The following REDIC1 variants were observed in gnomAD, a reference collection of about 807,000 sequenced individuals.
REDIC1 encodes the protein regulator of DNA class I crossover intermediates 1.
At chr12:39,653,557 CT>C in the REDIC1 span, among the ~76,000 whole-genome samples, 7,270 of 55,388 alleles carry the variant, frequency 0.13, 1,910 homozygotes, top group Non-Finnish European at 0.17. Context: ...TCTTCTTCTT[CT>C]TTCTTCTTCT....
the REDIC1 span, among the ~76,000 whole-genome samples, chr12:39,711,030 T>C: frequency 6.6e-6 from 1 of 151,454 alleles, no homozygotes; most frequent in African/African-American, 2.4e-5. Flanking sequence ...TGTAGTCTTT[T>C]ATCCCACTTC....
chr12:39,657,175 T>A, the REDIC1 span, among the ~76,000 whole-genome samples: 6 of 152,298 alleles, frequency 3.9e-5, no homozygotes, highest in Admixed American at 1.3e-4. Context: ...TTTAAAAAAA[T>A]TTTTATGCTG....
the REDIC1 span, among the ~76,000 whole-genome samples, chr12:39,895,000 C>G: frequency 1.3e-5 from 2 of 152,280 alleles, no homozygotes; most frequent in Admixed American, 1.3e-4. Flanking sequence ...CCAAATCATC[C>G]TGCAAGGGAA....
the REDIC1 span, among the ~76,000 whole-genome samples, chr12:39,742,595 T>C: frequency 1.3e-5 from 2 of 152,310 alleles, no homozygotes; most frequent in East Asian, 3.9e-4. Flanking sequence ...CTTCAGTGTC[T>C]TCTAGTCATT....
At chr12:39,700,713 G>T in the REDIC1 span, among the ~76,000 whole-genome samples, 8 of 151,920 alleles carry the variant, frequency 5.3e-5, no homozygotes, top group Non-Finnish European at 8.8e-5. Flanking sequence ...TCAAAGGGAA[G>T]CCCATCAGAC....
At chr12:39,648,418 T>G in the REDIC1 span, among the ~76,000 whole-genome samples, 91,696 of 151,648 alleles carry the variant, frequency 0.6, 29,372 homozygotes, top group Non-Finnish European at 0.71. Context: ...TTTTATAATT[T>G]GAAAGATGAC....
At chr12:39,872,105 A>G in the REDIC1 span, 6 of 619,664 alleles carry the variant, frequency 9.7e-6, no homozygotes, top group South Asian at 2.5e-4. Context: ...AATTCATGCA[A>G]GCTGTTGAAA....
the REDIC1 span, among the ~76,000 whole-genome samples, chr12:39,681,880 C>T: frequency 1.3e-5 from 2 of 152,046 alleles, no homozygotes; most frequent in African/African-American, 4.8e-5. Context: ...TAACTCCAAC[C>T]TCTGGAACAA....
the REDIC1 span, among the ~76,000 whole-genome samples, chr12:39,885,555 CA>C: frequency 2.0e-5 from 3 of 152,020 alleles, no homozygotes; most frequent in Non-Finnish European, 4.4e-5. Context: ...CCAATTATTA[CA>C]AAAAACTTTC....
chr12:39,696,055 C>T, the REDIC1 span, among the ~76,000 whole-genome samples: 3 of 152,106 alleles, frequency 2.0e-5, no homozygotes. Context: ...CCTGGGGTGC[C>T]CCTATAGCAG....
the REDIC1 span, among the ~76,000 whole-genome samples, chr12:39,728,281 G>T: frequency 6.6e-6 from 1 of 152,130 alleles, no homozygotes; most frequent in Non-Finnish European, 1.5e-5. Context: ...CTGTGGGTTT[G>T]TCATAAATAG....
the REDIC1 span, among the ~76,000 whole-genome samples, chr12:39,892,020 T>C: frequency 0.034 from 5,235 of 152,290 alleles, 212 homozygotes; most frequent in Admixed American, 0.12. Flanking sequence ...ATACATTAAT[T>C]CTACTCTCCT....
the REDIC1 span, among the ~76,000 whole-genome samples, chr12:39,753,800 A>G: frequency 6.6e-6 from 1 of 152,162 alleles, no homozygotes; most frequent in Non-Finnish European, 1.5e-5. Flanking sequence ...GATAACCTTC[A>G]CTACACACAA....
chr12:39,863,021 A>G, the REDIC1 span, among the ~76,000 whole-genome samples: 1 of 152,180 alleles, frequency 6.6e-6, no homozygotes, highest in Non-Finnish European at 1.5e-5. Context: ...CATACTGTCA[A>G]ATTCCCACAA....
chr12:39,777,700 G>A, the REDIC1 span, among the ~76,000 whole-genome samples: 5 of 152,180 alleles, frequency 3.3e-5, no homozygotes, highest in African/African-American at 1.2e-4. Flanking sequence ...ACAGGTGGCT[G>A]GCCGTCGAGA....
At chr12:39,669,226 G>A in the REDIC1 span, among the ~76,000 whole-genome samples, 1 of 152,160 alleles carries the variant, frequency 6.6e-6, no homozygotes, top group African/African-American at 2.4e-5. Flanking sequence ...TACATATGGG[G>A]TTTTGGTGTG....
At chr12:39,707,895 C>T in the REDIC1 span, among the ~76,000 whole-genome samples, 1 of 151,618 alleles carries the variant, frequency 6.6e-6, no homozygotes, top group Non-Finnish European at 1.5e-5. Flanking sequence ...TTAAGTGAAA[C>T]AAGCCAGGCA....
chr12:39,643,868 T>A, the REDIC1 span: 2 of 1,579,114 alleles, frequency 1.3e-6, no homozygotes, highest in South Asian at 1.1e-5. Context: ...GCTTAGACAT[T>A]CTTAACCTAT....
the REDIC1 span, among the ~76,000 whole-genome samples, chr12:39,697,919 TTGAC>T: frequency 6.6e-6 from 1 of 152,118 alleles, no homozygotes; most frequent in Non-Finnish European, 1.5e-5. Flanking sequence ...AATAATGACT[TTGAC>T]TGTCAATGGA....
Sources: gnomAD v4.1 joint callset for allele counts (sites outside exome capture counted in the v4.1 genomes callset) on GRCh38, gnomAD v4.1.1 for gene constraint, MANE v1.5 for transcripts, NCBI Gene and HGNC (gene_info 2026-07-23, HGNC 2026-07-21) for gene names.